POR: variants seen among roughly 807,000 people sequenced by gnomAD.
POR encodes cytochrome p450 oxidoreductase, also known as NADPH--cytochrome P450 reductase.
A neutral mutation model predicts 84.0 loss-of-function variants in POR; 56 were observed. That is an observed-to-expected ratio of 0.67 (90% CI 0.54 to 0.83). POR has a LOEUF of 0.83. Ranked by LOEUF, POR falls within the 40% of genes least tolerant of loss-of-function variation. POR has a pLI of 0.00. For synonymous variants in POR, 414 were observed against 400.5 expected (o/e 1.03, Z -0.40); for missense variants, 938 against 944.3 (o/e 0.99, Z 0.09).
intron 12 of POR, 117 bp downstream of exon 12, chr7:75,985,324 C>A: frequency 7.5e-7 from 1 of 1,341,988 alleles, no homozygotes; most frequent in East Asian, 2.5e-5. Flanking sequence ...CCAGTTCCAG[C>A]CCCAGCGCAG....
intron 1 of POR, among the ~76,000 whole-genome samples, chr7:75,940,922 A>G (rs1441020827): frequency 6.6e-6 from 1 of 152,218 alleles, no homozygotes; most frequent in East Asian, 1.9e-4. Flanking sequence ...GGACTTTGGG[A>G]GGCCAAGGTG....
intron 1 of POR, chr7:75,922,726 G>T (rs529189304): frequency 2.1e-4 from 77 of 371,516 alleles, no homozygotes; most frequent in African/African-American, 1.4e-3. Flanking sequence ...GTGGGGTTGC[G>T]CATGTTCAGT....
intron 1 of POR, among the ~76,000 whole-genome samples, chr7:75,933,376 G>GTTTTTTTTGTT (rs1807510490): frequency 2.2e-5 from 2 of 92,086 alleles, no homozygotes; most frequent in African/African-American, 6.5e-5. Flanking sequence ...ATAGGTCTTT[G>GTTTTTTTTGTT]TTTTTTTTTT....
intron 1 of POR, among the ~76,000 whole-genome samples, chr7:75,927,683 T>C (rs1488317925): frequency 6.6e-6 from 1 of 150,954 alleles, no homozygotes; most frequent in Non-Finnish European, 1.5e-5. Context: ...TTTTTTTTTT[T>C]TTTTTGAGAC....
rs979046197 is a variant in POR at position 75,984,929 on chromosome 7, A to G, written c.1219A>G (p.Lys407Glu). The change falls in exon 11 of 16, where the codon AAG (lysine) becomes GAG (glutamate). Residue 407 changes from lysine to glutamate, a missense_variant. Coordinates refer to ENST00000461988, the MANE Select transcript of POR (RefSeq NM_000941.3). Reference sequence around the variant, plus strand: ...GCCCTCGGAGCAGGAGCTGCTGCGCAAGATGGCCTCCTCCTCCGGCGAGGG... The same window carrying G: ...GCCCTCGGAGCAGGAGCTGCTGCGCGAGATGGCCTCCTCCTCCGGCGAGGG... The G allele has an allele frequency of 1.6e-5, 25 of 1,602,372 alleles. No individual in the cohort carries two copies. Among genetic ancestry groups the G allele is most frequent in the Non-Finnish European group, 2.0e-5 (24 of 1,171,946 alleles).
intron 2 of POR, among the ~76,000 whole-genome samples, chr7:75,963,804 G>A (rs538841917): frequency 2.0e-5 from 3 of 152,228 alleles, no homozygotes; most frequent in South Asian, 4.1e-4. Flanking sequence ...GTCAGGGGTC[G>A]TGGGGGGTCA....
intron 2 of POR, 132 bp downstream of exon 2, chr7:75,954,312 C>T (rs1585105737): frequency 2.1e-6 from 2 of 936,668 alleles, no homozygotes; most frequent in South Asian, 3.4e-5. Flanking sequence ...TTGGGTTTTG[C>T]CTTCTTGCTA....
At chr7:75,928,709 A>G (rs1347944849) in intron 1 of POR, among the ~76,000 whole-genome samples, 1 of 99,084 alleles carries the variant, frequency 1.0e-5, no homozygotes, top group Non-Finnish European at 1.8e-5. Context: ...GTCACTGCCC[A>G]GGAGGACTTT....
At chr7:75,917,383 C>CTTT (rs373478392) in intron 1 of POR, among the ~76,000 whole-genome samples, 109 of 115,142 alleles carry the variant, frequency 9.5e-4, no homozygotes, top group Non-Finnish European at 1.0e-3. Flanking sequence ...ATTTCTTCTT[C>CTTT]TTTTTTTTTT....
intron 1 of POR, among the ~76,000 whole-genome samples, chr7:75,949,498 T>TTTTTTG (rs1787320358): frequency 6.7e-6 from 1 of 148,906 alleles, no homozygotes; most frequent in Admixed American, 6.7e-5. Flanking sequence ...CATCTCAGGG[T>TTTTTTG]TTGTTGTTGT....
intron 3 of POR, among the ~76,000 whole-genome samples, chr7:75,974,502 GTTTC>G (rs1296038334): frequency 7.2e-6 from 1 of 139,124 alleles, no homozygotes; most frequent in African/African-American, 2.7e-5. Flanking sequence ...AGATGGCTTC[GTTTC>G]TTTTTCTTTT....
chr7:75,940,940 C>T (rs1338467692), intron 1 of POR, among the ~76,000 whole-genome samples: 1 of 152,070 alleles, frequency 6.6e-6, no homozygotes, highest in Non-Finnish European at 1.5e-5. Flanking sequence ...GTGCGAGGAT[C>T]GCTTGAGCCC....
chr7:75,985,612 G>A lies in POR; in HGVS notation c.1432G>A (p.Val478Ile). Residue 478 changes from valine to isoleucine, a missense_variant, in exon 13 of 16, where the codon GTT becomes ATT. Physicochemically the swap from Val to Ile is conservative, Grantham distance 29. Coordinates refer to ENST00000461988, the MANE Select transcript of POR (RefSeq NM_000941.3). ...CAACTCTGTGCACATCTGTGCGGTG[G>A]TTGTGGAGTACGAGACCAAGGCTGG... 1.3e-6 allele frequency: 2 copies of A among 1,583,428 alleles called. No homozygotes were observed. The highest frequency in any genetic ancestry group is 1.7e-6 in the Non-Finnish European group (2 of 1,163,582).
At position 75,967,026 on chromosome 7, in the gene POR, G is replaced by A. The variant is rs143460227; in HGVS notation, c.189-5387G>A. Reference sequence around the variant, plus strand: ...ACTCTGTCAACCAGGTTGGAGTGCAGTGGCACAATCTTGGCTCACTGCAAC... The same window carrying A: ...ACTCTGTCAACCAGGTTGGAGTGCAATGGCACAATCTTGGCTCACTGCAAC... On this transcript the variant is annotated intron_variant, in intron 2 of 15. Transcript: ENST00000461988. Among the ~76,000 whole-genome samples the A allele has an allele frequency of 2.7e-3, 417 of 152,254 alleles. 2 individuals carry two copies. Among genetic ancestry groups the A allele is most frequent in the African/African-American group, 9.5e-3 (393 of 41,548 alleles).
At chr7:75,952,445 G>A (rs1262473247) in intron 1 of POR, among the ~76,000 whole-genome samples, 1 of 144,644 alleles carries the variant, frequency 6.9e-6, no homozygotes, top group South Asian at 2.2e-4. Context: ...CGGACGGAGC[G>A]GCTGGCCGGG....
intron 1 of POR, among the ~76,000 whole-genome samples, chr7:75,916,579 C>CT (rs576517928): frequency 9.9e-5 from 15 of 152,146 alleles, no homozygotes; most frequent in Non-Finnish European, 2.1e-4. Context: ...ATGTTGGAAA[C>CT]TTTCGCTGAG....
At chr7:75,965,241 G>A (rs1279023664) in intron 2 of POR, among the ~76,000 whole-genome samples, 1 of 152,198 alleles carries the variant, frequency 6.6e-6, no homozygotes, top group Non-Finnish European at 1.5e-5. Context: ...CAGATGGAGA[G>A]CCGAGTGCAA....
At chr7:75,981,640 T>G (rs1554557981) in intron 7 of POR, 34 bp downstream of exon 7, 1 of 1,588,778 alleles carries the variant, frequency 6.3e-7, no homozygotes, top group Non-Finnish European at 8.6e-7. Context: ...GTGGGTGGCC[T>G]GGGCGGGTCC....
In POR at chr7:75,980,819, G is replaced by A. The variant is rs1219836148; in HGVS notation, c.517-229G>A. ...GGGTGGGCTGGCCCCGCTTCCCTGT[G>A]GGTTGAGGCTGGCAGTGGACGGGGC... On this transcript the variant is annotated intron_variant, in intron 5 of 15. Transcript: ENST00000461988. The A allele has an allele frequency of 3.2e-6, 4 of 1,233,804 alleles. No homozygotes were observed. In the East Asian group the frequency reaches 1.0e-4, roughly 32 times the overall value. 76.4% of individuals were successfully genotyped at this position (1,233,804 alleles called of 1,614,324 possible).
Sources: gnomAD v4.1 joint callset for allele counts (sites outside exome capture counted in the v4.1 genomes callset) on GRCh38, gnomAD v4.1.1 for gene constraint, MANE v1.5 for transcripts, NCBI Gene and HGNC (gene_info 2026-07-23, HGNC 2026-07-21) for gene names.